Variants in DSTYK observed in about 807,000 individuals in gnomAD.
DSTYK encodes the protein dual serine/threonine and tyrosine protein kinase.
DSTYK carries 34 observed loss-of-function variants against 98.7 expected under a neutral mutation model. The ratio of observed to expected loss-of-function variants is 0.34; its 90% CI spans 0.26 to 0.46. The LOEUF (loss-of-function observed/expected upper bound fraction) is 0.46, where lower values mean the gene tolerates loss of function less well. Ranked by LOEUF, DSTYK falls within the 20% of genes least tolerant of loss-of-function variation. The pLI, the probability that DSTYK is intolerant of heterozygous loss-of-function variation, is 1.00. For synonymous variants in DSTYK, 462 were observed against 457.3 expected (o/e 1.01, Z -0.13); for missense variants, 962 against 1,181.7 (o/e 0.81, Z 2.73).
intron 1 of DSTYK, 98 bp downstream of exon 1, chr1:205,211,173 T>C: frequency 1.4e-6 from 2 of 1,460,410 alleles, no homozygotes; most frequent in Non-Finnish European, 9.0e-7. Context: ...CCTTTCCGCC[T>C]GCCCGAGAAG....
intron 2 of DSTYK, among the ~76,000 whole-genome samples, chr1:205,181,656 T>TTG (rs35775611): frequency 0.038 from 5,355 of 142,414 alleles, 144 homozygotes; most frequent in African/African-American, 0.074. Flanking sequence ...ATGTTGGGGT[T>TTG]TGTGTGTGTG....
rs1342003682 is a variant in DSTYK, at chr1:205,162,173, T to A, written c.1681A>T (p.Thr561Ser). 1.2e-6 allele frequency: 2 copies of A among 1,613,942 alleles called. No homozygotes were observed. Among genetic ancestry groups the A allele is most frequent in the Admixed American group, 3.3e-5 (2 of 60,010 alleles). ...RITWVSPPAI[T>S]LEWKRKVAQE... ...GCCACCTTCCTCTTCCATTCCAGAG[T>A]GATGGCAGGTGGGCTCACCCATGTG... Residue 561 changes from threonine to serine, a missense_variant, in exon 6 of 13, where the codon ACT becomes TCT. By Grantham distance (58) the Thr-to-Ser change is moderately conservative. Transcript: ENST00000367162.
At chr1:205,181,656 T>TGTGTGTGTGTGTGTGTGTGTG (rs1558616449) in intron 2 of DSTYK, among the ~76,000 whole-genome samples, 1 of 142,544 alleles carries the variant, frequency 7.0e-6, no homozygotes, top group Non-Finnish European at 1.5e-5. Context: ...ATGTTGGGGT[T>TGTGTGTGTGTGTGTGTGTGTG]TGTGTGTGTG....
In DSTYK at chr1:205,157,532, A is replaced by C. The variant is rs796948416; in HGVS notation, c.2239-146T>G. 2.8e-5 allele frequency: 16 copies of C among 565,280 alleles called. No individual in the cohort carries two copies. In the African/African-American group the frequency reaches 3.0e-4, roughly 11 times the overall value. 35.0% of individuals were successfully genotyped at this position (565,280 alleles called of 1,614,324 possible). A position where few individuals can be genotyped will look rare whatever the true frequency, so the allele number is the denominator to read the frequency against. ...GCTCATGCCTGTAACCCCAGCACTT[A>C]GGGAGGCCAAGGTCAAGAATTTCAA... On this transcript the variant is annotated intron_variant, in intron 9 of 12. Transcript: ENST00000367162.
rs768105138 is a variant in DSTYK, at chr1:205,169,567, A to G, written c.920T>C (p.Leu307Pro). 1.2e-6 allele frequency: 2 copies of G among 1,614,188 alleles called. No homozygotes were observed. The highest frequency in any genetic ancestry group is 2.2e-5 in the South Asian group (2 of 91,088). ...GCTGCTCAGATAGCCCAGGTCAATT[A>G]GCTGGCGATAAAGCGGTGATCTTTC... ...ESERSPLYRQ[L>P]IDLGYLSSSH... The change falls in exon 3 of 13, where the codon CTA becomes CCA. Residue 307 changes from leucine (L) to proline (P), a missense_variant. By Grantham distance (98) the Leu-to-Pro change is moderately conservative. Around this residue, in one of 4 missense-constraint regions of DSTYK, gnomAD observed 660 missense variants for 855.0 expected, o/e 0.77. Transcript: ENST00000367162. This position sits in a 1 kb window ranked among gnomAD's most constrained non-coding sequence, Gnocchi z 4.0.
Position 205,169,208 on chromosome 1 carries a change from T to C in DSTYK, c.1279A>G (p.Met427Val), listed in dbSNP as rs1206651907. The C allele has an allele frequency of 6.2e-7, 1 of 1,612,184 alleles. No homozygotes were observed. Among genetic ancestry groups the C allele is most frequent in the Admixed American group, 1.7e-5 (1 of 59,954 alleles). The change falls in exon 3 of 13, where the codon ATG (methionine) becomes GTG (valine). Residue 427 changes from methionine to valine, a missense_variant. Around this residue, in one of 4 missense-constraint regions of DSTYK, gnomAD observed 660 missense variants for 855.0 expected, o/e 0.77. Coordinates refer to ENST00000367162, the MANE Select transcript of DSTYK (RefSeq NM_015375.3). This position sits in a 1 kb window ranked among gnomAD's most constrained non-coding sequence, Gnocchi z 4.0. ...GCATCATCCAGAAGTTCCTCCTTCATGGTATTAAGTGTCTCAACAATCATA... is the reference window on the plus strand; with the variant it reads ...GCATCATCCAGAAGTTCCTCCTTCACGGTATTAAGTGTCTCAACAATCATA... ...KDMIVETLNT[M>V]KEELLDDATN... is the part of the protein sequence containing the mutation.
intron 4 of DSTYK, 149 bp downstream of exon 4, chr1:205,163,574 T>A: frequency 1.4e-6 from 1 of 700,506 alleles, no homozygotes; most frequent in South Asian, 1.8e-5. Context: ...CCACAGGCAG[T>A]GGTCATGTGA....
intron 1 of DSTYK, among the ~76,000 whole-genome samples, chr1:205,193,376 T>G (rs565284358): frequency 7.2e-5 from 11 of 152,314 alleles, no homozygotes; most frequent in African/African-American, 2.6e-4. Context: ...TTCTTGCCTA[T>G]TTTCCATCCC....
At chr1:205,163,271 G>C (rs879631874) in intron 4 of DSTYK, among the ~76,000 whole-genome samples, 1 of 151,312 alleles carries the variant, frequency 6.6e-6, no homozygotes, top group Non-Finnish European at 1.5e-5. Flanking sequence ...CCAGGCTGAA[G>C]TGCAATGGCG....
chr1:205,165,344 G>T (rs1657857253), intron 3 of DSTYK, among the ~76,000 whole-genome samples: 1 of 152,086 alleles, frequency 6.6e-6, no homozygotes, highest in Admixed American at 6.6e-5. Flanking sequence ...GCTCACCTTG[G>T]CCTCCCAAAG....
rs1558616449 is a variant in DSTYK at position 205,181,656 on chromosome 1, T to TGTGTGTGTG, written c.654+5761_654+5762insCACACACAC. Among the ~76,000 whole-genome samples, 998 of 142,592 alleles carry TGTGTGTGTG rather than the reference T, an allele frequency of 7.0e-3. 9 individuals are homozygous for TGTGTGTGTG. Among genetic ancestry groups the TGTGTGTGTG allele is most frequent in the Non-Finnish European group, 9.4e-3 (618 of 65,798 alleles). The allele number at this position is 142,592 out of a possible 152,430, so 93.5% of individuals were successfully genotyped here. A position where few individuals can be genotyped will look rare whatever the true frequency, so the allele number is the denominator to read the frequency against. On this transcript the variant is annotated intron_variant, in intron 2 of 12. Coordinates refer to ENST00000367162, the MANE Select transcript of DSTYK (RefSeq NM_015375.3). The stretch of plus-strand genomic sequence containing the variant: ...AGATGTGAGCCACAGATGTTGGGGT[T>TGTGTGTGTG]TGTGTGTGTGTGTGTGTGTGTGTGT...
intron 10 of DSTYK, among the ~76,000 whole-genome samples, chr1:205,154,249 A>C (rs1657493089): frequency 6.6e-6 from 1 of 152,092 alleles, no homozygotes; most frequent in Non-Finnish European, 1.5e-5. Context: ...TCTATGATGA[A>C]ACTCCTCCCT....
rs570818551 is a variant in DSTYK, at chr1:205,190,116, C to T, written c.266-2310G>A. On this transcript the variant is annotated intron_variant, in intron 1 of 12. Transcript: ENST00000367162. ...ATCATCTAAAGCAGGAAGAACCATCCTATTTCATCCTCAACACCCAACACA... is the reference window on the plus strand; with the variant it reads ...ATCATCTAAAGCAGGAAGAACCATCTTATTTCATCCTCAACACCCAACACA... Among the ~76,000 whole-genome samples, 38 of 152,280 alleles carry T rather than the reference C, an allele frequency of 2.5e-4. No homozygotes were observed. The South Asian group carries it at 7.7e-3, about 31-fold the overall frequency.
At chr1:205,166,135 A>G (rs1179803668) in intron 3 of DSTYK, among the ~76,000 whole-genome samples, 4 of 152,254 alleles carry the variant, frequency 2.6e-5, no homozygotes, top group Non-Finnish European at 2.9e-5. Context: ...ACAAATTTGT[A>G]TGAATATTTA....
chr1:205,193,561 C>T (rs1202448303), intron 1 of DSTYK, among the ~76,000 whole-genome samples: 3 of 152,072 alleles, frequency 2.0e-5, no homozygotes, highest in Non-Finnish European at 4.4e-5. Context: ...AATTCCTCTT[C>T]CTCAAGACCA....
At chr1:205,174,909 G>T (rs1658184222) in intron 2 of DSTYK, among the ~76,000 whole-genome samples, 1 of 150,190 alleles carries the variant, frequency 6.7e-6, no homozygotes, top group Admixed American at 6.7e-5. Flanking sequence ...GGCTAATTTT[G>T]TTTTTTTAGT....
chr1:205,157,374 G>T lies in DSTYK; in HGVS notation c.2251C>A (p.Leu751Met), dbSNP rs1419228760. The T allele has an allele frequency of 1.9e-6, 3 of 1,613,962 alleles. No individual in the cohort carries two copies. The Admixed American group carries it at 5.0e-5, about 27-fold the overall frequency. The change falls in exon 10 of 13, where the codon CTG (leucine) becomes ATG (methionine). Residue 751 changes from leucine to methionine, a missense_variant. Coordinates refer to ENST00000367162, the MANE Select transcript of DSTYK (RefSeq NM_015375.3). ...LYTGLKAGLT[L>M]ETRLQIALDV... ...AGTGCTATCTGCAAACGTGTCTCCAGGGTCAGCCCAGCCTTGGGGAGACAA... is the reference window on the plus strand; with the variant it reads ...AGTGCTATCTGCAAACGTGTCTCCATGGTCAGCCCAGCCTTGGGGAGACAA...
rs756492023 is a variant in DSTYK at position 205,148,210 on chromosome 1, C to T, written c.2597G>A (p.Arg866Gln). Residue 866 changes from arginine (R) to glutamine (Q), a missense_variant, in exon 12 of 13, where the codon CGG (arginine) becomes CAG (glutamine). Arg to Gln is a conservative substitution (Grantham distance 43). Coordinates refer to ENST00000367162, the MANE Select transcript of DSTYK (RefSeq NM_015375.3). ...GTAGTACTTGTGGCTCTTACCCCTC[C>T]GCACATTGTTCCAGAGATGGTCTTT... is the stretch of plus-strand genomic sequence containing the variant. ...ASKDHLWNNV[R>Q]RGARPERLPV... 8 of 1,613,964 alleles carry T rather than the reference C, an allele frequency of 5.0e-6. No individual in the cohort carries two copies. The Admixed American group carries it at 5.0e-5, about 10-fold the overall frequency.
rs1437303227 is a variant in DSTYK, at chr1:205,211,557, T to A, written c.-22A>T. Reference sequence around the variant, plus strand: ...CCATCGCCTCTGCCCGCTCTGTCTTTGCGGCTCGGTCCCCGGCCGCAGGCC... The same window carrying A: ...CCATCGCCTCTGCCCGCTCTGTCTTAGCGGCTCGGTCCCCGGCCGCAGGCC... On this transcript the variant is annotated 5_prime_UTR_variant, in exon 1 of 13. Transcript: ENST00000367162. The A allele has an allele frequency of 6.8e-7, 1 of 1,462,184 alleles. No individual in the cohort carries two copies. The highest frequency in any genetic ancestry group is 2.4e-5 in the Admixed American group (1 of 41,394). 90.6% of individuals were successfully genotyped at this position (1,462,184 alleles called of 1,614,324 possible). A position where few individuals can be genotyped will look rare whatever the true frequency, so the allele number is the denominator to read the frequency against.
Sources: gnomAD v4.1 joint callset for allele counts (sites outside exome capture counted in the v4.1 genomes callset) on GRCh38, gnomAD v4.1.1 for gene constraint, gnomAD v4.1.1 regional missense constraint, Gnocchi (gnomAD v3.1) non-coding constraint, MANE v1.5 for transcripts, NCBI Gene and HGNC (gene_info 2026-07-23, HGNC 2026-07-21) for gene names.